MYO1D: variants seen among roughly 807,000 people sequenced by gnomAD.
MYO1D encodes the protein myosin ID, also known as unconventional myosin-Id.
In MYO1D, 83 loss-of-function variants were observed where a neutral mutation model predicts 122.0. That is an observed-to-expected ratio of 0.68 (90% CI 0.57 to 0.82). The LOEUF is 0.82. MYO1D is among the 40% of genes least tolerant of loss of function. The probability of loss-of-function intolerance (pLI) is 0.00; values close to 1 mark genes in which losing one functional copy is unlikely to be tolerated. For synonymous variants in MYO1D, 464 were observed against 446.9 expected (o/e 1.04, Z -0.48); for missense variants, 1,157 against 1,269.5 (o/e 0.91, Z 1.35).
At chr17:32,805,498 T>A (rs896680305) in intron 1 of MYO1D, among the ~76,000 whole-genome samples, 1 of 152,192 alleles carries the variant, frequency 6.6e-6, no homozygotes, top group Admixed American at 6.5e-5. Flanking sequence ...AAAGAGATTG[T>A]ACTAGCTGTT....
chr17:32,847,628 C>T (rs1266578257), intron 1 of MYO1D, among the ~76,000 whole-genome samples: 2 of 152,182 alleles, frequency 1.3e-5, no homozygotes. Flanking sequence ...AATTCTTGTG[C>T]CTCAGCCTCC....
intron 21 of MYO1D, among the ~76,000 whole-genome samples, chr17:32,532,545 G>C (rs1910537853): frequency 6.6e-6 from 1 of 152,004 alleles, no homozygotes; most frequent in South Asian, 2.1e-4. Flanking sequence ...GGCTAACAAG[G>C]TGAAACCCCG....
rs56214129 is a variant in MYO1D, at chr17:32,560,528, C to CATATAT, written c.2864+44553_2864+44558dup. 7.5e-3 allele frequency among the ~76,000 whole-genome samples: 489 copies of CATATAT among 65,162 alleles called. 12 individuals are homozygous for CATATAT. The highest frequency in any genetic ancestry group is 0.012 in the Non-Finnish European group (373 of 30,858). 42.7% of individuals were successfully genotyped at this position (65,162 alleles called of 152,430 possible). ...AAAAAAAAGTAATACCCAGAGACAA[C>CATATAT]ATATATATATATATATATATATATA... On this transcript the variant is annotated intron_variant, in intron 21 of 21. Coordinates refer to ENST00000318217, the MANE Select transcript of MYO1D (RefSeq NM_015194.3).
chr17:32,577,982 G>A (rs1009650854), intron 21 of MYO1D, among the ~76,000 whole-genome samples: 18 of 152,106 alleles, frequency 1.2e-4, no homozygotes, highest in African/African-American at 3.9e-4. Flanking sequence ...CTCGTGATCC[G>A]CCCATCTCGG....
chr17:32,853,182 C>T (rs2091003184), intron 1 of MYO1D, among the ~76,000 whole-genome samples: 1 of 152,182 alleles, frequency 6.6e-6, no homozygotes, highest in Non-Finnish European at 1.5e-5. Flanking sequence ...ATGAAAACCA[C>T]GCCTCTGTGT....
intron 1 of MYO1D, chr17:32,794,319 C>T (rs542564621): frequency 6.6e-6 from 1 of 152,034 alleles, no homozygotes; most frequent in Non-Finnish European, 1.5e-5. Context: ...TGGTAGTTAA[C>T]CAGAAGATGT....
At chr17:32,863,498 A>G (rs2091095329) in intron 1 of MYO1D, among the ~76,000 whole-genome samples, 1 of 152,230 alleles carries the variant, frequency 6.6e-6, no homozygotes, top group Admixed American at 6.5e-5. Context: ...TTTGTAAATT[A>G]AGAGGGGAAA....
chr17:32,683,883 G>A (rs1430708025), intron 16 of MYO1D, among the ~76,000 whole-genome samples: 1 of 151,930 alleles, frequency 6.6e-6, no homozygotes, highest in African/African-American at 2.4e-5. Context: ...AGACTGCTGT[G>A]CTAGCAATCA....
At chr17:32,854,803 A>G (rs2091014853) in intron 1 of MYO1D, among the ~76,000 whole-genome samples, 1 of 152,254 alleles carries the variant, frequency 6.6e-6, no homozygotes, top group South Asian at 2.1e-4. Flanking sequence ...GTCCGTAACT[A>G]TAGCTACAGA....
intron 11 of MYO1D, 109 bp from the exon 12 acceptor site, chr17:32,749,115 ATTGTG>A: frequency 1.0e-6 from 1 of 971,346 alleles, no homozygotes; most frequent in South Asian, 1.4e-5. Flanking sequence ...ATGACATCAC[ATTGTG>A]TGGGGCTTGA....
chr17:32,551,787 A>G (rs9904359), intron 21 of MYO1D, among the ~76,000 whole-genome samples: 52,565 of 152,084 alleles, frequency 0.35, 9,649 homozygotes, highest in African/African-American at 0.44. Context: ...GCACAGGAAC[A>G]CCGTCTATAT....
Position 32,501,149 on chromosome 17 carries a change from T to C in MYO1D, c.2865-6234A>G, listed in dbSNP as rs73984557. On this transcript the variant is annotated intron_variant, in intron 21 of 21. Coordinates refer to ENST00000318217, the MANE Select transcript of MYO1D (RefSeq NM_015194.3). ...GAACAGACAAAAGCTTATACATGAATGTTCATGGCAGCACTGTTTACCAAA... is the reference window on the plus strand; with the variant it reads ...GAACAGACAAAAGCTTATACATGAACGTTCATGGCAGCACTGTTTACCAAA... Among the ~76,000 whole-genome samples the C allele has an allele frequency of 1.8e-3, 267 of 152,268 alleles. 1 individual carries two copies. Among genetic ancestry groups the C allele is most frequent in the African/African-American group, 6.1e-3 (253 of 41,542 alleles).
At chr17:32,819,477 A>G (rs2151056616) in intron 1 of MYO1D, among the ~76,000 whole-genome samples, 1 of 152,242 alleles carries the variant, frequency 6.6e-6, no homozygotes, top group South Asian at 2.1e-4. Flanking sequence ...CATGGCTCTG[A>G]CTTGCTGTGG....
At chr17:32,509,722 G>C (rs1232336186) in intron 21 of MYO1D, among the ~76,000 whole-genome samples, 1 of 152,112 alleles carries the variant, frequency 6.6e-6, no homozygotes, top group African/African-American at 2.4e-5. Flanking sequence ...CTGAGTAGCT[G>C]GGACTATAGG....
chr17:32,760,141 A>G (rs745637078), intron 10 of MYO1D, 149 bp downstream of exon 10: 1 of 798,514 alleles, frequency 1.3e-6, no homozygotes. Context: ...AAATGATGAA[A>G]TTAATTGTAT....
At chr17:32,774,799 A>T (rs2090157061) in intron 4 of MYO1D, among the ~76,000 whole-genome samples, 1 of 152,212 alleles carries the variant, frequency 6.6e-6, no homozygotes, top group Non-Finnish European at 1.5e-5. Flanking sequence ...TCAATATAAC[A>T]AACAAAAATA....
intron 21 of MYO1D, among the ~76,000 whole-genome samples, chr17:32,533,677 C>G (rs933311816): frequency 4.6e-5 from 7 of 152,166 alleles, no homozygotes; most frequent in Non-Finnish European, 7.3e-5. Context: ...TGCTCCTTCC[C>G]AGCTCTCCAG....
intron 1 of MYO1D, among the ~76,000 whole-genome samples, chr17:32,844,937 A>T (rs2090921423): frequency 6.6e-6 from 1 of 151,988 alleles, no homozygotes; most frequent in African/African-American, 2.4e-5. Flanking sequence ...TTTAAAGTAG[A>T]TGTATATCTA....
intron 21 of MYO1D, among the ~76,000 whole-genome samples, chr17:32,537,709 A>T (rs1910704751): frequency 6.6e-6 from 1 of 152,230 alleles, no homozygotes; most frequent in Non-Finnish European, 1.5e-5. Flanking sequence ...ATGAATCCAT[A>T]AGAAGGAAAT....
Sources: allele counts gnomAD v4.1 joint callset (sites outside exome capture counted in the v4.1 genomes callset), GRCh38; gene constraint gnomAD v4.1.1; transcripts MANE v1.5; gene names NCBI Gene and HGNC (gene_info 2026-07-23, HGNC 2026-07-21).